ERG: variants seen among roughly 807,000 people sequenced by gnomAD.
ERG encodes the protein ETS transcription factor ERG.
ERG carries 9 observed loss-of-function variants against 55.3 expected under a neutral mutation model. The ratio of observed to expected loss-of-function variants is 0.16; its 90% CI spans 0.10 to 0.28. ERG has a LOEUF of 0.28. Ranked by LOEUF, ERG falls within the 10% of genes least tolerant of loss-of-function variation. The probability of loss-of-function intolerance (pLI) is 1.00; values close to 1 mark genes in which losing one functional copy is unlikely to be tolerated. For missense variants in ERG, 434 were observed against 631.6 expected (o/e 0.69, Z 3.35); for synonymous variants, 223 against 237.3 (o/e 0.94, Z 0.55).
intron 1 of ERG, among the ~76,000 whole-genome samples, chr21:38,625,983 C>T (rs887334693): frequency 2.3e-5 from 3 of 129,312 alleles, no homozygotes; most frequent in African/African-American, 9.0e-5. Context: ...AGTGCAGTGG[C>T]GTGATCTCGG....
intron 1 of ERG, among the ~76,000 whole-genome samples, chr21:38,626,595 C>G (rs1023380911): frequency 3.9e-5 from 6 of 152,036 alleles, no homozygotes; most frequent in African/African-American, 1.5e-4. Context: ...ATATGAAAAT[C>G]TGAGAAAAGG....
chr21:38,580,037 G>T (rs2060019164), intron 1 of ERG, among the ~76,000 whole-genome samples: 1 of 152,050 alleles, frequency 6.6e-6, no homozygotes, highest in South Asian at 2.1e-4. Context: ...AGCCAGGATG[G>T]TATCGATCTC....
chr21:38,492,808 A>G (rs1026237799), intron 1 of ERG, among the ~76,000 whole-genome samples: 1 of 152,204 alleles, frequency 6.6e-6, no homozygotes, highest in Non-Finnish European at 1.5e-5. Context: ...AACAGAGAAT[A>G]AAAGTATAAA....
chr21:38,511,997 A>T (rs2059515450), intron 2 of ERG, among the ~76,000 whole-genome samples: 1 of 152,242 alleles, frequency 6.6e-6, no homozygotes, highest in Non-Finnish European at 1.5e-5. Context: ...GCCTTGTAAT[A>T]TAATTGTGTG....
At chr21:38,591,670 G>A (rs949859325) in intron 1 of ERG, among the ~76,000 whole-genome samples, 3 of 151,982 alleles carry the variant, frequency 2.0e-5, no homozygotes, top group Non-Finnish European at 2.9e-5. Context: ...CCAGCCTGGG[G>A]GACAGAGTGA....
In ERG at chr21:38,460,151, A is replaced by C. The variant is rs2059028050; in HGVS notation, c.19-14530T>G. Among the ~76,000 whole-genome samples the C allele has an allele frequency of 6.6e-6, 1 of 152,206 alleles. No individual in the cohort carries two copies. The highest frequency in any genetic ancestry group is 6.5e-5 in the Admixed American group (1 of 15,284). On this transcript the variant is annotated intron_variant, in intron 1 of 9. Coordinates refer to ENST00000288319, the MANE Select transcript of ERG (RefSeq NM_182918.4). The surrounding 1 kb of genome is among the most constrained non-coding windows in gnomAD (Gnocchi z 5.0). ...CCTTGGCAACAGCTAGAACAAGGCC[A>C]GAGTGGACTGCGGGGGCTGCACGAG...
intron 3 of ERG, among the ~76,000 whole-genome samples, chr21:38,411,444 G>A (rs1385586182): frequency 6.6e-6 from 1 of 152,088 alleles, no homozygotes; most frequent in Non-Finnish European, 1.5e-5. Context: ...GAATAGGTGG[G>A]ATTACAGGCA....
chr21:38,653,345 C>T (rs2060499350), intron 1 of ERG, among the ~76,000 whole-genome samples: 1 of 152,176 alleles, frequency 6.6e-6, no homozygotes, highest in Admixed American at 6.5e-5. Flanking sequence ...ACGTGCCTTT[C>T]CCAGGATCCG....
chr21:38,579,231 T>A (rs1049807616), intron 1 of ERG, among the ~76,000 whole-genome samples: 1 of 152,182 alleles, frequency 6.6e-6, no homozygotes, highest in African/African-American at 2.4e-5. Flanking sequence ...AGCCACTCGG[T>A]CTGTAACCAA....
chr21:38,426,930 CA>C (rs11447837), intron 2 of ERG, among the ~76,000 whole-genome samples: 5 of 147,696 alleles, frequency 3.4e-5, no homozygotes, highest in African/African-American at 7.5e-5. Context: ...GACTCCATGT[CA>C]AAAAAAAAAA....
At chr21:38,433,118 T>C (rs933206918) in intron 2 of ERG, among the ~76,000 whole-genome samples, 3 of 152,218 alleles carry the variant, frequency 2.0e-5, no homozygotes, top group African/African-American at 4.8e-5. Flanking sequence ...GTCATCTCAA[T>C]TTGCAGTTAA....
intron 3 of ERG, among the ~76,000 whole-genome samples, chr21:38,407,647 T>TATATATATAA (rs891801676): frequency 6.8e-6 from 1 of 146,686 alleles, no homozygotes; most frequent in Non-Finnish European, 1.5e-5. Flanking sequence ...TATATATATT[T>TATATATATAA]AATGTATATT....
intron 1 of ERG, among the ~76,000 whole-genome samples, chr21:38,616,403 C>T (rs1291405663): frequency 6.6e-6 from 1 of 152,096 alleles, no homozygotes; most frequent in African/African-American, 2.4e-5. Context: ...TATTAACACA[C>T]AAAGCTATTT....
At chr21:38,584,779 T>C (rs1326245012) in intron 1 of ERG, 2 of 152,172 alleles carry the variant, frequency 1.3e-5, no homozygotes, top group East Asian at 3.9e-4. Context: ...TATTTACATA[T>C]CCACATTTTT....
chr21:38,388,914 C>T (rs1294595125), intron 9 of ERG, among the ~76,000 whole-genome samples: 3 of 152,188 alleles, frequency 2.0e-5, no homozygotes, highest in East Asian at 3.9e-4. Flanking sequence ...GTGACTCAGG[C>T]CCTATTCTAC....
At chr21:38,538,470 C>T (rs188136164) in intron 2 of ERG, among the ~76,000 whole-genome samples, 15 of 152,052 alleles carry the variant, frequency 9.9e-5, no homozygotes, top group African/African-American at 2.7e-4. Flanking sequence ...TCCAAAGTGA[C>T]CAAGTGACCT....
chr21:38,488,808 C>T lies in ERG; in HGVS notation c.18+9555G>A, dbSNP rs148146107. ...CCATGATTCAAAGGAGACAGAGGTG[C>T]CTACGGGGCATGTTACTCATAGACA... is the stretch of plus-strand genomic sequence containing the variant. On this transcript the variant is annotated intron_variant, in intron 1 of 9. Transcript: ENST00000288319. 8.6e-3 allele frequency among the ~76,000 whole-genome samples: 1,304 copies of T among 152,346 alleles called. 18 individuals carry two copies. Among genetic ancestry groups the T allele is most frequent in the African/African-American group, 0.031 (1,269 of 41,580 alleles).
chr21:38,472,809 T>G (rs1200991976), intron 1 of ERG, among the ~76,000 whole-genome samples: 1 of 152,216 alleles, frequency 6.6e-6, no homozygotes, highest in African/African-American at 2.4e-5. Context: ...CGTGGGCAAT[T>G]CGTGCGCTTG....
At chr21:38,626,738 G>C (rs754412719) in intron 1 of ERG, among the ~76,000 whole-genome samples, 2 of 152,060 alleles carry the variant, frequency 1.3e-5, no homozygotes, top group Non-Finnish European at 2.9e-5. Context: ...GGCTAAATAA[G>C]GGAAGTCAAA....
Sources: allele counts gnomAD v4.1 joint callset (sites outside exome capture counted in the v4.1 genomes callset), GRCh38; gene constraint gnomAD v4.1.1; non-coding constraint Gnocchi (gnomAD v3.1); transcripts MANE v1.5; gene names NCBI Gene and HGNC (gene_info 2026-07-23, HGNC 2026-07-21).